The following MAGEB17 variants were observed in gnomAD, a reference collection of about 807,000 sequenced individuals.
MAGEB17 encodes melanoma-associated antigen B17.
For missense variants in MAGEB17, 251 were observed against 281.4 expected (o/e 0.89, Z 0.77); for synonymous variants, 110 against 112.4 (o/e 0.98, Z 0.13).
In MAGEB17 at chrX:16,170,546, A is replaced by T; in HGVS notation, c.164A>T (p.Asn55Ile). Residue 55 changes from asparagine to isoleucine, a missense_variant, in exon 2 of 2, where the codon AAT (asparagine) becomes ATT (isoleucine). Asn to Ile is a moderately radical substitution (Grantham distance 149, BLOSUM62 -3). Coordinates refer to ENST00000400004, the MANE Select transcript of MAGEB17 (RefSeq NM_001277307.2). ...CAGAGTCCTCCCCAGAGCTTCCCCA[A>T]TGCAGGCATTCCTCAGGAGTCCCAG... ...ACQSPPQSFPNAGIPQESQRA... is the reference protein window; with the variant it reads ...ACQSPPQSFPIAGIPQESQRA... The T allele has an allele frequency of 8.6e-7, 1 of 1,166,200 alleles. No individual in the cohort carries two copies. Among genetic ancestry groups the T allele is most frequent in the South Asian group, 1.9e-5 (1 of 52,628 alleles).
chrX:16,170,673 C>G lies in MAGEB17; in HGVS notation c.291C>G (p.Gly97=). The change falls in exon 2 of 2, where the codon GGC becomes GGG. Residue 97 remains glycine, a synonymous_variant. Transcript: ENST00000400004. The part of the protein sequence containing the change: ...QKGESPNSFH[G]PSSSESTGRD... ...GGGAAAGTCCCAACTCCTTCCATGG[C>G]CCGTCCTCCTCTGAGAGCACAGGAA... is the stretch of plus-strand genomic sequence containing the variant. 1 of 1,167,189 alleles carries G rather than the reference C, an allele frequency of 8.6e-7. No individual in the cohort carries two copies. Among genetic ancestry groups the G allele is most frequent in the Non-Finnish European group, 1.1e-6 (1 of 873,098 alleles).
At position 16,170,962 on chromosome X, in the gene MAGEB17, G is replaced by C. The variant is rs778559458; in HGVS notation, c.580G>C (p.Gly194Arg). 1 of 1,165,962 alleles carries C rather than the reference G, an allele frequency of 8.6e-7. No individual in the cohort carries two copies. The highest frequency in any genetic ancestry group is 2.6e-5 in the Admixed American group (1 of 38,662). The change falls in exon 2 of 2, where the codon GGG becomes CGG. Residue 194 changes from glycine to arginine, a missense_variant. Transcript: ENST00000400004. ...CAATCAAGGAAGCTTGAGCGATGGC[G>C]GGGGCTTTCCCCTGAGCGGGCTCCT... ...FPNQGSLSDG[G>R]GFPLSGLLMV...
rs759013497 is a variant in MAGEB17, at chrX:16,170,398, G to A, written c.16G>A (p.Ala6Thr). 10 of 1,161,681 alleles carry A rather than the reference G, an allele frequency of 8.6e-6. No individual in the cohort carries two copies. In the African/African-American group the frequency reaches 1.4e-4, roughly 17 times the overall value. MPRGQASKRRAREKRR... is the reference protein window; with the variant it reads MPRGQTSKRRAREKRR... Reference sequence around the variant, plus strand: ...CACAGTCATCATGCCTCGCGGTCAGGCGAGTAAGCGCCGTGCCCGTGAGAA... The same window carrying A: ...CACAGTCATCATGCCTCGCGGTCAGACGAGTAAGCGCCGTGCCCGTGAGAA... Residue 6 changes from alanine to threonine, a missense_variant, in exon 2 of 2, where the codon GCG (alanine) becomes ACG (threonine). Transcript: ENST00000400004.
In MAGEB17 at chrX:16,170,897, G is replaced by A; in HGVS notation, c.515G>A (p.Ser172Asn). 8.6e-7 allele frequency: 1 copy of A among 1,167,390 alleles called. No individual in the cohort carries two copies. The highest frequency in any genetic ancestry group is 1.9e-5 in the South Asian group (1 of 52,756). ...FGLYLKEMDP[S>N]RQSYVLVGKL... Reference sequence around the variant, plus strand: ...CTCTACCTGAAGGAAATGGACCCCAGCCGTCAGTCCTATGTGCTTGTTGGC... The same window carrying A: ...CTCTACCTGAAGGAAATGGACCCCAACCGTCAGTCCTATGTGCTTGTTGGC... Residue 172 changes from serine to asparagine, a missense_variant, in exon 2 of 2, where the codon AGC becomes AAC. Ser to Asn is a conservative substitution (Grantham distance 46, BLOSUM62 1). Coordinates refer to ENST00000400004, the MANE Select transcript of MAGEB17 (RefSeq NM_001277307.2).
intron 1 of MAGEB17, among the ~76,000 whole-genome samples, chrX:16,169,645 G>A (rs1440193976): frequency 9.0e-6 from 1 of 111,682 alleles, no homozygotes; most frequent in Non-Finnish European, 1.9e-5. Context: ...CACAAAGGCT[G>A]GCTTCCCTCT....
Position 16,171,343 on chromosome X carries a change from G to A in MAGEB17, c.961G>A (p.Val321Ile), listed in dbSNP as rs1460952561. Reference sequence around the variant, plus strand: ...GGAAGAGCAAGCCAGAGCCAGAGCGGTAGCCAGGGATAGCGCCAGGGCCAG... The same window carrying A: ...GGAAGAGCAAGCCAGAGCCAGAGCGATAGCCAGGGATAGCGCCAGGGCCAG... ...EEEEQARARA[V>I]ARDSARARAS... is the part of the protein sequence containing the mutation. Residue 321 changes from valine (V) to isoleucine (I), a missense_variant, in exon 2 of 2, where the codon GTA (valine) becomes ATA (isoleucine). Physicochemically the swap from Val to Ile is conservative, Grantham distance 29 (BLOSUM62 3). Coordinates refer to ENST00000400004, the MANE Select transcript of MAGEB17 (RefSeq NM_001277307.2). 1.7e-6 allele frequency: 2 copies of A among 1,155,827 alleles called. No homozygotes were observed. The highest frequency in any genetic ancestry group is 2.3e-6 in the Non-Finnish European group (2 of 869,145).
At chrX:16,168,853 G>C (rs1922997683) in intron 1 of MAGEB17, 1 of 111,794 alleles carries the variant, frequency 8.9e-6, no homozygotes, top group South Asian at 3.8e-4. Context: ...TTGGTTGCAA[G>C]ACTGGCTGCC....
In MAGEB17 at chrX:16,171,121, A is replaced by G. The variant is rs769491477; in HGVS notation, c.739A>G (p.Thr247Ala). ...CTATGGGGAGCCCCAGGAGCTTGTC[A>G]CCAAAGATTTGGTGCGAGAGGGGTA... ...FIYGEPQELVTKDLVREGYLE... is the reference protein window; with the variant it reads ...FIYGEPQELVAKDLVREGYLE... Residue 247 changes from threonine to alanine, a missense_variant, in exon 2 of 2, where the codon ACC becomes GCC. Coordinates refer to ENST00000400004, the MANE Select transcript of MAGEB17 (RefSeq NM_001277307.2). The G allele has an allele frequency of 1.7e-6, 2 of 1,209,779 alleles. No homozygotes were observed. The highest frequency in any genetic ancestry group is 2.2e-6 in the Non-Finnish European group (2 of 894,480).
At position 16,171,459 on chromosome X, in the gene MAGEB17, G is replaced by A; in HGVS notation, c.*66G>A. 3 of 1,052,617 alleles carry A rather than the reference G, an allele frequency of 2.9e-6. No homozygotes were observed. The highest frequency in any genetic ancestry group is 3.7e-6 in the Non-Finnish European group (3 of 816,706). 86.7% of individuals were successfully genotyped at this position (1,052,617 alleles called of 1,213,427 possible). On this transcript the variant is annotated 3_prime_UTR_variant, in exon 2 of 2. Transcript: ENST00000400004. ...GTCCACCATCTCAGTATTTGGGGGT[G>A]AGGTGGGGAGCCCAAGACGTGTCTT...
chrX:16,168,458 C>G (rs962644320), intron 1 of MAGEB17, among the ~76,000 whole-genome samples: 1 of 112,532 alleles, frequency 8.9e-6, no homozygotes. Flanking sequence ...CCAGACGGGG[C>G]ATGCCGTGAC....
At chrX:16,170,257 G>T in intron 1 of MAGEB17, 77 bp from the exon 2 acceptor site, 2 of 1,077,797 alleles carry the variant, frequency 1.9e-6, no homozygotes, top group South Asian at 4.9e-5. Context: ...GGGTCCTCAA[G>T]GACACCTGCA....
At position 16,171,253 on chromosome X, in the gene MAGEB17, G is replaced by C; in HGVS notation, c.871G>C (p.Ala291Pro). Residue 291 changes from alanine to proline, a missense_variant, in exon 2 of 2, where the codon GCC (alanine) becomes CCC (proline). Ala to Pro is a conservative substitution (Grantham distance 27). Transcript: ENST00000400004. ...TSKMKVLEFVAKLNDTVASTY... is the reference protein window; with the variant it reads ...TSKMKVLEFVPKLNDTVASTY... ...CAAAATGAAAGTCCTGGAGTTTGTG[G>C]CCAAGCTCAATGATACCGTTGCCAG... The C allele has an allele frequency of 8.3e-7, 1 of 1,209,887 alleles. No homozygotes were observed. Among genetic ancestry groups the C allele is most frequent in the Non-Finnish European group, 1.1e-6 (1 of 894,793 alleles).
chrX:16,171,417 A>G lies in MAGEB17; in HGVS notation c.*24A>G, dbSNP rs1324955219. On this transcript the variant is annotated 3_prime_UTR_variant, in exon 2 of 2. Transcript: ENST00000400004. ...AGTGAAGTCTCAGGCAATCCTCACT[A>G]AGAGATTGAAAAGCCTGTCCACCAT... 9.3e-7 allele frequency: 1 copy of G among 1,077,532 alleles called. No homozygotes were observed. Among genetic ancestry groups the G allele is most frequent in the African/African-American group, 1.9e-5 (1 of 52,615 alleles). 88.8% of individuals were successfully genotyped at this position (1,077,532 alleles called of 1,213,427 possible). A position where few individuals can be genotyped will look rare whatever the true frequency, so the allele number is the denominator to read the frequency against.
rs1048295551 is a variant in MAGEB17, at chrX:16,167,750, G to A, written c.-83G>A. On this transcript the variant is annotated 5_prime_UTR_variant, in exon 1 of 2. Coordinates refer to ENST00000400004, the MANE Select transcript of MAGEB17 (RefSeq NM_001277307.2). ...CTTCGTCTGAGGGACGCCACCTCAG[G>A]CTACCAGAACCCCAAGACTGGTTGG... 1 of 112,166 alleles carries A rather than the reference G, an allele frequency of 8.9e-6. No individual in the cohort carries two copies. Among genetic ancestry groups the A allele is most frequent in the Non-Finnish European group, 1.9e-5 (1 of 53,172 alleles). 9.2% of individuals were successfully genotyped at this position (112,166 alleles called of 1,213,427 possible). A position where few individuals can be genotyped will look rare whatever the true frequency, so the allele number is the denominator to read the frequency against.
At chrX:16,170,261 A>T (rs1923027212) in intron 1 of MAGEB17, 73 bp from the exon 2 acceptor site, 22 of 1,077,628 alleles carry the variant, frequency 2.0e-5, no homozygotes, top group Admixed American at 1.5e-4. Flanking sequence ...CCTCAAGGAC[A>T]CCTGCATGGA....
At position 16,170,485 on chromosome X, in the gene MAGEB17, A is replaced by G; in HGVS notation, c.103A>G (p.Lys35Glu). 1 of 1,166,827 alleles carries G rather than the reference A, an allele frequency of 8.6e-7. No homozygotes were observed. The highest frequency in any genetic ancestry group is 1.1e-6 in the Non-Finnish European group (1 of 872,933). ...LGGAQATAAE[K>E]EKLPSSSSPA... ...GGGTGCTCAAGCCACCGCAGCAGAGAAGGAAAAGCTGCCATCCTCCTCCTC... is the reference window on the plus strand; with the variant it reads ...GGGTGCTCAAGCCACCGCAGCAGAGGAGGAAAAGCTGCCATCCTCCTCCTC... Residue 35 changes from lysine (K) to glutamate (E), a missense_variant, in exon 2 of 2, where the codon AAG becomes GAG. Physicochemically the swap from Lys to Glu is moderately conservative, Grantham distance 56 (BLOSUM62 1). Transcript: ENST00000400004.
chrX:16,168,039 C>G (rs1490215910), intron 1 of MAGEB17, among the ~76,000 whole-genome samples: 1 of 111,934 alleles, frequency 8.9e-6, no homozygotes, highest in Admixed American at 9.4e-5. Flanking sequence ...AGACCTCTCC[C>G]AAACATGGGA....
At position 16,170,314 on chromosome X, in the gene MAGEB17, C is replaced by T. The variant is rs1024764091; in HGVS notation, c.-49-20C>T. 2.7e-6 allele frequency: 3 copies of T among 1,115,112 alleles called. No individual in the cohort carries two copies. The African/African-American group carries it at 5.5e-5, about 21-fold the overall frequency. The allele number at this position is 1,115,112 out of a possible 1,213,427, so 91.9% of individuals were successfully genotyped here. ...ATCTCCCCACTGAGGGGCTCACACA[C>T]TCTGTTCCTCCTGCTCCAGGTGCCC... On this transcript the variant is annotated intron_variant, in intron 1 of 1. Coordinates refer to ENST00000400004, the MANE Select transcript of MAGEB17 (RefSeq NM_001277307.2).
Position 16,167,578 on chromosome X carries a change from T to G in MAGEB17, c.-255T>G, listed in dbSNP as rs890065692. On this transcript the variant is annotated 5_prime_UTR_variant, in exon 1 of 2. Transcript: ENST00000400004. ...CTCATTGGAGTCCCGGAGAGGACAC[T>G]GAGTACACTGGAGAGGACTTCTATG... 3.6e-5 allele frequency: 4 copies of G among 110,564 alleles called. No homozygotes were observed. The highest frequency in any genetic ancestry group is 7.6e-5 in the Non-Finnish European group (4 of 52,801). The allele number at this position is 110,564 out of a possible 1,213,427, so 9.1% of individuals were successfully genotyped here.
Sources: allele counts gnomAD v4.1 joint callset (sites outside exome capture counted in the v4.1 genomes callset), GRCh38; gene constraint gnomAD v4.1.1; transcripts MANE v1.5; gene names NCBI Gene and HGNC (gene_info 2026-07-23, HGNC 2026-07-21).